Variants in NRXN3 observed in about 807,000 individuals in gnomAD.
The protein encoded by NRXN3 is neurexin III.
NRXN3 carries 32 observed loss-of-function variants against 137.6 expected under a neutral mutation model. The ratio of observed to expected loss-of-function variants is 0.23; its 90% CI spans 0.18 to 0.31. The LOEUF is 0.31. Among genes scored for constraint, NRXN3 ranks in the 10% least tolerant of loss-of-function variants. The probability of loss-of-function intolerance (pLI) is 1.00; values close to 1 mark genes in which losing one functional copy is unlikely to be tolerated. For synonymous variants in NRXN3, 798 were observed against 784.5 expected (o/e 1.02, Z -0.29); for missense variants, 1,574 against 2,062.5 (o/e 0.76, Z 4.59).
rs376086901 is a variant in NRXN3 at position 78,579,155 on chromosome 14, C to T, written c.758-65965C>T. On this transcript the variant is annotated intron_variant, in intron 4 of 20. Coordinates refer to ENST00000335750, the MANE Select transcript of NRXN3 (RefSeq NM_001330195.2). ...GTCACTGTTAGCCCATGATCCCACA[C>T]GTACCCAGACACATTCTCTCACGGC... Among the ~76,000 whole-genome samples, 4 of 152,258 alleles carry T rather than the reference C, an allele frequency of 2.6e-5. No individual in the cohort carries two copies. The South Asian group carries it at 8.3e-4, about 32-fold the overall frequency.
intron 16 of NRXN3, among the ~76,000 whole-genome samples, chr14:79,543,365 C>G (rs750356913): frequency 2.6e-5 from 4 of 152,190 alleles, no homozygotes; most frequent in Admixed American, 6.5e-5. Flanking sequence ...AGATTGGAAA[C>G]ACAGCCAAGG....
At chr14:78,444,919 C>T (rs2094372278) in intron 4 of NRXN3, among the ~76,000 whole-genome samples, 2 of 47,116 alleles carry the variant, frequency 4.2e-5, no homozygotes, top group Non-Finnish European at 3.5e-5. Context: ...AACTCTGTCT[C>T]AAAAAAAAAA....
intron 10 of NRXN3, among the ~76,000 whole-genome samples, chr14:78,841,603 C>G (rs2099012721): frequency 6.6e-6 from 1 of 152,070 alleles, no homozygotes; most frequent in African/African-American, 2.4e-5. Context: ...GTTTCTCTCA[C>G]TTATGAATTG....
intron 10 of NRXN3, among the ~76,000 whole-genome samples, chr14:78,926,772 T>G (rs566269935): frequency 2.4e-5 from 1 of 41,684 alleles, no homozygotes; most frequent in Non-Finnish European, 3.5e-5. Flanking sequence ...TTATATATAT[T>G]ATATATATAA....
chr14:78,415,864 A>G (rs8017182), intron 4 of NRXN3, among the ~76,000 whole-genome samples: 151,592 of 152,004 alleles, frequency 1, 75,591 homozygotes, highest in Middle Eastern at 1. Flanking sequence ...CCAGAAACAC[A>G]GCTCTCACCA....
intron 15 of NRXN3, among the ~76,000 whole-genome samples, chr14:79,431,414 T>C (rs1254900064): frequency 3.3e-5 from 5 of 152,198 alleles, no homozygotes; most frequent in Admixed American, 3.3e-4. Context: ...GTTGGCTCTA[T>C]GCTGACCCAA....
chr14:78,374,480 G>C (rs775142443), intron 4 of NRXN3, among the ~76,000 whole-genome samples: 7 of 152,048 alleles, frequency 4.6e-5, no homozygotes, highest in Non-Finnish European at 8.8e-5. Flanking sequence ...ACTTTAAAAA[G>C]CTGGTGGTGA....
At chr14:79,321,835 A>G (rs2090081430) in intron 15 of NRXN3, among the ~76,000 whole-genome samples, 1 of 148,874 alleles carries the variant, frequency 6.7e-6, no homozygotes. Context: ...TAAATGATCA[A>G]CATACCTATA....
At chr14:79,212,066 G>A (rs1028854639) in intron 15 of NRXN3, among the ~76,000 whole-genome samples, 2 of 152,222 alleles carry the variant, frequency 1.3e-5, no homozygotes, top group Admixed American at 6.5e-5. Flanking sequence ...GCAACTTCCT[G>A]TGCATGTTCA....
intron 16 of NRXN3, among the ~76,000 whole-genome samples, chr14:79,553,009 G>C (rs1455584704): frequency 6.6e-6 from 1 of 151,992 alleles, no homozygotes; most frequent in African/African-American, 2.4e-5. Context: ...CTTCTGGTGA[G>C]AGAACTTCAG....
chr14:79,379,407 T>C (rs542470399), intron 15 of NRXN3, among the ~76,000 whole-genome samples: 1 of 152,228 alleles, frequency 6.6e-6, no homozygotes, highest in African/African-American at 2.4e-5. Flanking sequence ...AGTATTGAGG[T>C]TGATAGCTTC....
At chr14:78,509,768 C>T (rs991384439) in intron 4 of NRXN3, among the ~76,000 whole-genome samples, 4 of 152,096 alleles carry the variant, frequency 2.6e-5, no homozygotes, top group Non-Finnish European at 4.4e-5. Context: ...CTTCAGAAAG[C>T]TCATATCCTC....
chr14:79,130,253 G>C (rs2057253815), intron 15 of NRXN3, among the ~76,000 whole-genome samples: 1 of 151,898 alleles, frequency 6.6e-6, no homozygotes, highest in Admixed American at 6.6e-5. Flanking sequence ...TTCATTAGTT[G>C]ATGCAGTTTC....
Position 79,061,524 on chromosome 14 carries a change from G to T in NRXN3, c.3262+73383G>T, listed in dbSNP as rs150439854. On this transcript the variant is annotated intron_variant, in intron 15 of 20. Transcript: ENST00000335750. ...TGTAGTGAATGAAGCCATAGTGACT[G>T]GAATATAGGGGACAAGATTGAAAGT... 1.1e-4 allele frequency among the ~76,000 whole-genome samples: 17 copies of T among 152,300 alleles called. No homozygotes were observed. In the East Asian group the frequency reaches 3.3e-3, roughly 29 times the overall value.
At chr14:78,547,912 A>G (rs1408528639) in intron 4 of NRXN3, among the ~76,000 whole-genome samples, 1 of 152,186 alleles carries the variant, frequency 6.6e-6, no homozygotes, top group African/African-American at 2.4e-5. Flanking sequence ...ACAGCTTTTG[A>G]TAAACTTCAG....
rs141174045 is a variant in NRXN3 at position 79,458,482 on chromosome 14, C to T, written c.3263-8739C>T. 2.8e-3 allele frequency among the ~76,000 whole-genome samples: 430 copies of T among 152,190 alleles called. 4 individuals carry two copies. The highest frequency in any genetic ancestry group is 1.0e-2 in the African/African-American group (414 of 41,526). On this transcript the variant is annotated intron_variant, in intron 15 of 20. Coordinates refer to ENST00000335750, the MANE Select transcript of NRXN3 (RefSeq NM_001330195.2). ...ATTCTACTCCATGCCTGAATGGCAACGTGAAGATATGTAAGCATAGGTAAG... is the reference window on the plus strand; with the variant it reads ...ATTCTACTCCATGCCTGAATGGCAATGTGAAGATATGTAAGCATAGGTAAG...
intron 15 of NRXN3, among the ~76,000 whole-genome samples, chr14:79,008,469 C>T (rs2099559833): frequency 1.3e-5 from 2 of 152,082 alleles, no homozygotes; most frequent in South Asian, 4.2e-4. Flanking sequence ...AGTCATATGT[C>T]TACTACCCAA....
At chr14:79,543,993 A>C (rs1292264090) in intron 16 of NRXN3, among the ~76,000 whole-genome samples, 1 of 152,348 alleles carries the variant, frequency 6.6e-6, no homozygotes, top group African/African-American at 2.4e-5. Context: ...TCTTTGTTTC[A>C]TAACATCTAT....
intron 4 of NRXN3, among the ~76,000 whole-genome samples, chr14:78,604,741 T>C (rs2097233336): frequency 6.6e-6 from 1 of 152,290 alleles, no homozygotes; most frequent in Non-Finnish European, 1.5e-5. Context: ...GACCTCCCTG[T>C]GAGATGCCAT....
Sources: allele counts gnomAD v4.1 joint callset (sites outside exome capture counted in the v4.1 genomes callset), GRCh38; gene constraint gnomAD v4.1.1; transcripts MANE v1.5; gene names NCBI Gene and HGNC (gene_info 2026-07-23, HGNC 2026-07-21).